FAT2: variants seen among roughly 807,000 people sequenced by gnomAD.
FAT2 encodes protocadherin Fat 2.
FAT2 carries 150 observed loss-of-function variants against 295.3 expected under a neutral mutation model. The observed-to-expected ratio is 0.51, with a 90% CI of 0.44 to 0.58. FAT2 has a LOEUF of 0.58. FAT2 is among the 20% of genes least tolerant of loss of function. FAT2 has a pLI of 0.00. For missense variants in FAT2, 4,868 were observed against 5,442.7 expected, an observed-to-expected ratio of 0.89 and a Z score of 3.32; for synonymous variants, 2,026 against 2,150.3, an observed-to-expected ratio of 0.94 and a Z score of 1.60.
intron 21 of FAT2, chr5:151,510,543 G>A (rs1761240049): frequency 1.2e-5 from 2 of 170,530 alleles, no homozygotes; most frequent in African/African-American, 2.4e-5. Context: ...CAGGGGACAG[G>A]TACAAAGGGA....
At chr5:151,581,605 C>G (rs751284373) in intron 1 of FAT2, among the ~76,000 whole-genome samples, 2 of 152,198 alleles carry the variant, frequency 1.3e-5, no homozygotes, top group Non-Finnish European at 2.9e-5. Flanking sequence ...ACTTGGCAGG[C>G]ATTATCTCTT....
chr5:151,569,427 C>A (rs1319577589), intron 1 of FAT2, among the ~76,000 whole-genome samples: 1 of 152,132 alleles, frequency 6.6e-6, no homozygotes, highest in Non-Finnish European at 1.5e-5. Flanking sequence ...GAAAAACACA[C>A]CCCCATGATT....
chr5:151,512,100 GCTTTTCCCA>G lies in FAT2; in HGVS notation c.11905+56_11905+64del. ...GGCTCTGAGATCTCCACCCTGACAT[GCTTTTCCCA>G]CCTGAAGAGCCTTCTGGGATAAACC... On this transcript the variant is annotated intron_variant, in intron 21 of 23. Transcript: ENST00000261800. The surrounding 1 kb of genome is among the most constrained non-coding windows in gnomAD (Gnocchi z 4.1). 1 of 1,481,204 alleles carries G rather than the reference GCTTTTCCCA, an allele frequency of 6.8e-7. No individual in the cohort carries two copies. The highest frequency in any genetic ancestry group is 9.2e-7 in the Non-Finnish European group (1 of 1,086,206). The allele number at this position is 1,481,204 out of a possible 1,614,324, so 91.8% of individuals were successfully genotyped here. A position where few individuals can be genotyped will look rare whatever the true frequency, so the allele number is the denominator to read the frequency against.
At position 151,543,227 on chromosome 5, in the gene FAT2, T is replaced by A. The variant is rs376462824; in HGVS notation, c.7900A>T (p.Ile2634Phe). Residue 2634 changes from isoleucine to phenylalanine, a missense_variant, in exon 10 of 24, where the codon ATT (isoleucine) becomes TTT (phenylalanine). Ile to Phe is a conservative substitution (Grantham distance 21, BLOSUM62 0). Transcript: ENST00000261800. Reference sequence around the variant, plus strand: ...ACACCAGTGACTGGGTTAATTTCAATGACATCTTTAACTAGGTCCTCTGGG... The same window carrying A: ...ACACCAGTGACTGGGTTAATTTCAAAGACATCTTTAACTAGGTCCTCTGGG... ...VNPEDLVKDVIEINPVTGVVK... is the reference protein window; with the variant it reads ...VNPEDLVKDVFEINPVTGVVK... The A allele has an allele frequency of 8.1e-6, 13 of 1,614,154 alleles. No individual in the cohort carries two copies. In the South Asian group the frequency reaches 1.4e-4, roughly 18 times the overall value.
chr5:151,516,179 A>G (rs1752845445), intron 20 of FAT2, among the ~76,000 whole-genome samples: 1 of 152,128 alleles, frequency 6.6e-6, no homozygotes, highest in Non-Finnish European at 1.5e-5. Flanking sequence ...TTATTATCTC[A>G]ATGAAAGCTT....
intron 12 of FAT2, among the ~76,000 whole-genome samples, chr5:151,535,215 C>A (rs1755137244): frequency 6.6e-6 from 1 of 151,822 alleles, no homozygotes; most frequent in Non-Finnish European, 1.5e-5. Context: ...CCGTAACTCC[C>A]ACAGCCCTTG....
At chr5:151,536,162 T>A (rs1011281326) in intron 12 of FAT2, among the ~76,000 whole-genome samples, 2 of 152,160 alleles carry the variant, frequency 1.3e-5, no homozygotes, top group African/African-American at 4.8e-5. Context: ...AGTTTCTGCA[T>A]AATACATACC....
rs747994844 is a variant in FAT2 at position 151,505,663 on chromosome 5, G to T, written c.12952C>A (p.Pro4318Thr). 3 of 1,614,112 alleles carry T rather than the reference G, an allele frequency of 1.9e-6. No homozygotes were observed. Among genetic ancestry groups the T allele is most frequent in the South Asian group, 1.1e-5 (1 of 91,086 alleles). Residue 4318 changes from proline (P) to threonine (T), a missense_variant, in exon 24 of 24, where the codon CCT (proline) becomes ACT (threonine). Coordinates refer to ENST00000261800, the MANE Select transcript of FAT2 (RefSeq NM_001447.3). ...CGGGGCTGGCCCTGGCCTGCAAGAG[G>T]TGCCCCCTCCACCTCACAGACAGCA... ...SYAVCEVEGA[P>T]LAGQGQPRVP...
At chr5:151,548,869 A>T (rs1561858651) in intron 9 of FAT2, among the ~76,000 whole-genome samples, 1 of 152,152 alleles carries the variant, frequency 6.6e-6, no homozygotes, top group Non-Finnish European at 1.5e-5. Context: ...CCCATAAAAT[A>T]GATAAACCCA....
chr5:151,538,340 T>C (rs1041540785), intron 11 of FAT2, among the ~76,000 whole-genome samples: 2 of 152,196 alleles, frequency 1.3e-5, no homozygotes, highest in African/African-American at 2.4e-5. Flanking sequence ...GGGCCTGATA[T>C]AGGCATTCTG....
intron 3 of FAT2, among the ~76,000 whole-genome samples, chr5:151,559,216 G>T (rs764790000): frequency 4.1e-4 from 62 of 152,198 alleles, no homozygotes; most frequent in Admixed American, 9.8e-4. Flanking sequence ...GCGTGTTCTC[G>T]CCTTGTGCAG....
Position 151,567,371 on chromosome 5 carries a change from C to T in FAT2, c.1561G>A (p.Asp521Asn), listed in dbSNP as rs1433316230. The change falls in exon 2 of 24, where the codon GAC (aspartate) becomes AAC (asparagine). Residue 521 changes from aspartate to asparagine, a missense_variant. Around this residue, in one of 5 missense-constraint regions of FAT2, gnomAD observed 3,297 missense variants for 3,669.4 expected, o/e 0.90. Coordinates refer to ENST00000261800, the MANE Select transcript of FAT2 (RefSeq NM_001447.3). Reference protein sequence around the residue: ...LGIISTSKPMDYELMKRIYTF... With the variant: ...LGIISTSKPMNYELMKRIYTF... ...TAAATTCTTTTCATGAGTTCATAGT[C>T]CATGGGTTTGGAGGTGGAGATGATC... 1 of 1,614,114 alleles carries T rather than the reference C, an allele frequency of 6.2e-7. No individual in the cohort carries two copies.
At chr5:151,556,748 C>G (rs1027073703) in intron 3 of FAT2, among the ~76,000 whole-genome samples, 2 of 152,008 alleles carry the variant, frequency 1.3e-5, no homozygotes, top group Admixed American at 1.3e-4. Flanking sequence ...GATTTTGCCC[C>G]CTGTAGGCTA....
chr5:151,510,563 A>G (rs139883977), intron 21 of FAT2: 1,896 of 160,892 alleles, frequency 0.012, 41 homozygotes, highest in African/African-American at 0.042. Flanking sequence ...ATGGCAGATG[A>G]GGAAAGGAGG....
chr5:151,572,148 T>C (rs1330184824), intron 1 of FAT2, among the ~76,000 whole-genome samples: 1 of 152,174 alleles, frequency 6.6e-6, no homozygotes, highest in Non-Finnish European at 1.5e-5. Context: ...CACTACCCAA[T>C]ATTTTCTTGT....
rs1760843780 is a variant in FAT2, at chr5:151,506,093, G to T, written c.12522C>A (p.Tyr4174Ter). 6.6e-7 allele frequency: 1 copy of T among 1,513,802 alleles called. No homozygotes were observed. Among genetic ancestry groups the T allele is most frequent in the Non-Finnish European group, 8.8e-7 (1 of 1,140,932 alleles). 93.8% of individuals were successfully genotyped at this position (1,513,802 alleles called of 1,614,324 possible). ...KRTWSSEEMV[Y>*]PGGAMVWPPT... The stretch of plus-strand genomic sequence containing the variant: ...GGGGCCAGACCATGGCTCCGCCAGG[G>T]TACACTGAAAGGGAACAGCAAGATA... Residue 4174 changes from tyrosine to a stop codon, truncating the protein, a stop_gained, in exon 24 of 24, where the codon TAC (tyrosine) becomes TAA (stop). Coordinates refer to ENST00000261800, the MANE Select transcript of FAT2 (RefSeq NM_001447.3). LOFTEE classifies it high-confidence loss of function.
At chr5:151,552,629 G>C (rs1319298362) in intron 6 of FAT2, among the ~76,000 whole-genome samples, 3 of 152,202 alleles carry the variant, frequency 2.0e-5, no homozygotes, top group African/African-American at 7.2e-5. Context: ...TCAGATTCCT[G>C]AAGGGTTCTG....
chr5:151,559,638 C>CCTCT (rs201441657), intron 3 of FAT2, among the ~76,000 whole-genome samples: 1 of 149,720 alleles, frequency 6.7e-6, no homozygotes, highest in Admixed American at 6.6e-5. Flanking sequence ...TGAATCTCAG[C>CCTCT]CTCTCTCTCT....
At position 151,568,945 on chromosome 5, in the gene FAT2, C is replaced by T. The variant is rs776132834; in HGVS notation, c.-14G>A. 45 of 1,577,822 alleles carry T rather than the reference C, an allele frequency of 2.9e-5. No homozygotes were observed. Among genetic ancestry groups the T allele is most frequent in the Admixed American group, 3.7e-5 (2 of 54,270 alleles). ...GGCAATAGTCATGGTGGAAAACTCC[C>T]GAAACCCTGGGCAGAAAATAAAAGA... On this transcript the variant is annotated 5_prime_UTR_variant, in exon 2 of 24. Transcript: ENST00000261800.
Sources: allele counts gnomAD v4.1 joint callset (sites outside exome capture counted in the v4.1 genomes callset), GRCh38; gene constraint gnomAD v4.1.1; regional missense constraint gnomAD v4.1.1; non-coding constraint Gnocchi (gnomAD v3.1); transcripts MANE v1.5; gene names NCBI Gene and HGNC (gene_info 2026-07-23, HGNC 2026-07-21).